Variants in TECPR2 observed in about 807,000 individuals in gnomAD.
TECPR2 encodes the protein tectonin beta-propeller repeat containing 2, also known as tectonin beta-propeller repeat-containing protein 2.
A neutral mutation model predicts 138.1 loss-of-function variants in TECPR2; 65 were observed. The ratio of observed to expected loss-of-function variants is 0.47; its 90% CI spans 0.39 to 0.58. The LOEUF is 0.58. Ranked by LOEUF, TECPR2 falls within the 20% of genes least tolerant of loss-of-function variation. The pLI is 0.00. For missense variants in TECPR2, 1,553 were observed against 1,824.5 expected (o/e 0.85, Z 2.71); for synonymous variants, 746 against 749.8 (o/e 0.99, Z 0.08).
intron 17 of TECPR2, among the ~76,000 whole-genome samples, chr14:102,471,700 C>A (rs1351818037): frequency 1.3e-5 from 2 of 152,076 alleles, no homozygotes; most frequent in African/African-American, 2.4e-5. Flanking sequence ...GCCTGGGCAA[C>A]AGAGCACAAC....
At chr14:102,400,644 A>T (rs1166859644) in intron 2 of TECPR2, among the ~76,000 whole-genome samples, 1 of 152,210 alleles carries the variant, frequency 6.6e-6, no homozygotes, top group Non-Finnish European at 1.5e-5. Context: ...ATGAGAAAGG[A>T]ATTTAAATAT....
intron 1 of TECPR2, among the ~76,000 whole-genome samples, chr14:102,364,903 A>G (rs1449511353): frequency 1.3e-5 from 2 of 152,220 alleles, no homozygotes; most frequent in Non-Finnish European, 2.9e-5. Context: ...GTCAAGCACG[A>G]AGAGATTTCT....
At chr14:102,483,987 A>AAGG (rs1488549218) in intron 17 of TECPR2, among the ~76,000 whole-genome samples, 1 of 77,346 alleles carries the variant, frequency 1.3e-5, no homozygotes, top group Admixed American at 1.5e-4. Context: ...AGTAGAGACA[A>AAGG]GGTTTCACCA....
At chr14:102,437,065 T>C in intron 9 of TECPR2, 1 of 985,432 alleles carries the variant, frequency 1.0e-6, no homozygotes, top group Non-Finnish European at 1.2e-6. Flanking sequence ...TGGTGTGTTT[T>C]TATTTGGAGG....
Position 102,380,979 on chromosome 14 carries a change from G to T in TECPR2, c.219+4039G>T, listed in dbSNP as rs200584015. 5.7e-4 allele frequency among the ~76,000 whole-genome samples: 77 copies of T among 133,938 alleles called. No individual in the cohort carries two copies. The East Asian group carries it at 0.011, about 18-fold the overall frequency. The allele number at this position is 133,938 out of a possible 152,430, so 87.9% of individuals were successfully genotyped here. Reference sequence around the variant, plus strand: ...AGGCGTGAACCACTGCACCAAGCTTGTTTTTTTTTTTTTTTGGCAGAGTTT... The same window carrying T: ...AGGCGTGAACCACTGCACCAAGCTTTTTTTTTTTTTTTTTTGGCAGAGTTT... On this transcript the variant is annotated intron_variant, in intron 2 of 19. Transcript: ENST00000359520.
At chr14:102,412,456 A>G (rs1053599907) in intron 4 of TECPR2, among the ~76,000 whole-genome samples, 1 of 152,186 alleles carries the variant, frequency 6.6e-6, no homozygotes, top group South Asian at 2.1e-4. Flanking sequence ...TACAATATCA[A>G]AAAAATACCT....
chr14:102,369,626 A>C (rs1887440243), intron 1 of TECPR2, among the ~76,000 whole-genome samples: 1 of 151,910 alleles, frequency 6.6e-6, no homozygotes, highest in Admixed American at 6.6e-5. Context: ...GAGTTTTGTC[A>C]TGTTGCCCAG....
Position 102,450,863 on chromosome 14 carries a change from G to A in TECPR2, c.3406+214G>A, listed in dbSNP as rs568463992. 1.9e-4 allele frequency among the ~76,000 whole-genome samples: 29 copies of A among 152,342 alleles called. 1 individual carries two copies. Among genetic ancestry groups the A allele is most frequent in the South Asian group, 4.1e-4 (2 of 4,824 alleles). On this transcript the variant is annotated intron_variant, in intron 15 of 19. Coordinates refer to ENST00000359520, the MANE Select transcript of TECPR2 (RefSeq NM_014844.5). Reference sequence around the variant, plus strand: ...GGAGAGCCTCTGAGAGGGACCGAGCGTGGTGAAGATGAGGGAAAGTGTCCT... The same window carrying A: ...GGAGAGCCTCTGAGAGGGACCGAGCATGGTGAAGATGAGGGAAAGTGTCCT...
At chr14:102,459,630 C>A (rs944339019) in intron 16 of TECPR2, among the ~76,000 whole-genome samples, 8 of 152,132 alleles carry the variant, frequency 5.3e-5, no homozygotes, top group Non-Finnish European at 1.2e-4. Context: ...ATTAGCTGGG[C>A]ATGGTGGCTT....
At chr14:102,497,811 A>C in intron 19 of TECPR2, 92 bp downstream of exon 19, 1 of 1,416,908 alleles carries the variant, frequency 7.1e-7, no homozygotes, top group Admixed American at 2.5e-5. Context: ...AGCCGACCCC[A>C]CTGGGCTCCA....
At chr14:102,483,923 C>A (rs140178269) in intron 17 of TECPR2, among the ~76,000 whole-genome samples, 9,456 of 128,728 alleles carry the variant, frequency 0.073, 770 homozygotes, top group African/African-American at 0.18. Flanking sequence ...CAGCCTCCCA[C>A]GTAGCTGGGA....
chr14:102,481,157 T>C (rs1007449305), intron 17 of TECPR2, among the ~76,000 whole-genome samples: 1 of 151,666 alleles, frequency 6.6e-6, no homozygotes, highest in Non-Finnish European at 1.5e-5. Context: ...GGGCTACAGG[T>C]GAGTGCCACT....
At chr14:102,379,319 G>T (rs956165828) in intron 2 of TECPR2, among the ~76,000 whole-genome samples, 1 of 151,410 alleles carries the variant, frequency 6.6e-6, no homozygotes, top group Non-Finnish European at 1.5e-5. Flanking sequence ...ATGCACAGAG[G>T]CGTCCTAGTC....
chr14:102,428,175 C>T, intron 6 of TECPR2, 75 bp from the exon 7 acceptor site: 9 of 1,446,856 alleles, frequency 6.2e-6, no homozygotes, highest in Non-Finnish European at 8.2e-6. Flanking sequence ...CTCACACATG[C>T]ATTTTTATGC....
chr14:102,363,164 G>T (rs1208326895), intron 1 of TECPR2, 48 bp downstream of exon 1: 7 of 334,878 alleles, frequency 2.1e-5, no homozygotes, highest in Non-Finnish European at 3.2e-5. Flanking sequence ...CGACGCCCCC[G>T]ACGCCTGGCC....
At chr14:102,469,288 AT>A (rs1347597899) in intron 17 of TECPR2, among the ~76,000 whole-genome samples, 4 of 152,220 alleles carry the variant, frequency 2.6e-5, no homozygotes, top group Non-Finnish European at 5.9e-5. Flanking sequence ...TATATGTTTT[AT>A]ACTGCTTTTG....
At chr14:102,410,692 G>C (rs956852612) in intron 4 of TECPR2, among the ~76,000 whole-genome samples, 1 of 152,098 alleles carries the variant, frequency 6.6e-6, no homozygotes, top group Non-Finnish European at 1.5e-5. Context: ...AACTTAGACT[G>C]TGCCCCCCCT....
At chr14:102,442,171 G>T (rs904597020) in intron 11 of TECPR2, among the ~76,000 whole-genome samples, 2 of 152,184 alleles carry the variant, frequency 1.3e-5, no homozygotes, top group Admixed American at 1.3e-4. Flanking sequence ...TAGAGGCAGG[G>T]TTTCACTATG....
chr14:102,382,964 G>A (rs1371897266), intron 2 of TECPR2, among the ~76,000 whole-genome samples: 9 of 152,076 alleles, frequency 5.9e-5, no homozygotes, highest in Non-Finnish European at 1.0e-4. Flanking sequence ...CACCACGTTG[G>A]CCAGGCTGGT....
Sources: allele counts gnomAD v4.1 joint callset (sites outside exome capture counted in the v4.1 genomes callset), GRCh38; gene constraint gnomAD v4.1.1; transcripts MANE v1.5; gene names NCBI Gene and HGNC (gene_info 2026-07-23, HGNC 2026-07-21).